Variants in GPC6 observed in about 807,000 individuals in gnomAD.
GPC6 encodes the protein glypican-6.
GPC6 carries 14 observed loss-of-function variants against 55.2 expected under a neutral mutation model. The observed-to-expected ratio is 0.25, with a 90% CI of 0.17 to 0.40. The LOEUF (loss-of-function observed/expected upper bound fraction) is 0.40. GPC6 is among the 10% of genes least tolerant of loss of function. GPC6 has a pLI of 1.00. For synonymous variants in GPC6, 278 were observed against 259.6 expected, an observed-to-expected ratio of 1.07 and a Z score of -0.68; for missense variants, 641 against 708.5, an observed-to-expected ratio of 0.90 and a Z score of 1.08.
chr13:93,572,774 C>G (rs1876469685), intron 2 of GPC6, among the ~76,000 whole-genome samples: 1 of 152,096 alleles, frequency 6.6e-6, no homozygotes, highest in African/African-American at 2.4e-5. Flanking sequence ...TAAGCCAGAA[C>G]TTTATATTTT....
intron 2 of GPC6, among the ~76,000 whole-genome samples, chr13:93,580,533 G>T (rs574865383): frequency 6.6e-6 from 1 of 152,180 alleles, no homozygotes; most frequent in East Asian, 1.9e-4. Context: ...TTTTATTCAT[G>T]TAACAGATAC....
intron 1 of GPC6, among the ~76,000 whole-genome samples, chr13:93,342,953 A>T (rs957232745): frequency 1.3e-5 from 2 of 152,212 alleles, no homozygotes; most frequent in African/African-American, 4.8e-5. Context: ...TGGGAATATT[A>T]AAAATGTCTT....
chr13:93,592,360 A>AAAATATAT (rs1555314426), intron 2 of GPC6, among the ~76,000 whole-genome samples: 3 of 144,884 alleles, frequency 2.1e-5, no homozygotes, highest in Non-Finnish European at 4.5e-5. Context: ...ATATATGTAA[A>AAAATATAT]ATATATATAT....
intron 4 of GPC6, among the ~76,000 whole-genome samples, chr13:94,043,231 G>A (rs1016333607): frequency 2.0e-5 from 3 of 151,692 alleles, no homozygotes; most frequent in African/African-American, 7.3e-5. Context: ...CCAAGGTCTG[G>A]GCACTAGACG....
chr13:93,632,238 A>G (rs754607469), intron 2 of GPC6, among the ~76,000 whole-genome samples: 13 of 152,300 alleles, frequency 8.5e-5, no homozygotes, highest in Non-Finnish European at 1.5e-4. Context: ...CAATGGGACC[A>G]CTTGATATCA....
chr13:93,310,335 T>C (rs968633007), intron 1 of GPC6, among the ~76,000 whole-genome samples: 6 of 152,212 alleles, frequency 3.9e-5, no homozygotes, highest in Non-Finnish European at 5.9e-5. Flanking sequence ...TCCTTCTTCC[T>C]GCTTCCTTCT....
chr13:93,944,904 T>G (rs1878928331), intron 3 of GPC6, among the ~76,000 whole-genome samples: 2 of 152,034 alleles, frequency 1.3e-5, no homozygotes, highest in African/African-American at 4.8e-5. Context: ...TTTCTTGGTG[T>G]GTGTGTTGGG....
chr13:93,885,333 T>C (rs1448266291), intron 3 of GPC6, among the ~76,000 whole-genome samples: 3 of 149,942 alleles, frequency 2.0e-5, no homozygotes, highest in Non-Finnish European at 3.0e-5. Context: ...TGCATTATTT[T>C]TGCTACCAGA....
chr13:93,701,748 C>G lies in GPC6; in HGVS notation c.320-128406C>G, dbSNP rs944911415. 4.2e-4 allele frequency among the ~76,000 whole-genome samples: 64 copies of G among 152,122 alleles called. 1 individual carries two copies. The highest frequency in any genetic ancestry group is 1.4e-3 in the African/African-American group (60 of 41,534). ...GTTCACAGCATCTTCTCCAGGACTA[C>G]ATTCCACCTCAAGAAACCACTCTTT... On this transcript the variant is annotated intron_variant, in intron 2 of 8. Coordinates refer to ENST00000377047, the MANE Select transcript of GPC6 (RefSeq NM_005708.5).
chr13:93,519,195 T>C (rs1251311031), intron 1 of GPC6, among the ~76,000 whole-genome samples: 1 of 152,110 alleles, frequency 6.6e-6, no homozygotes, highest in Non-Finnish European at 1.5e-5. Flanking sequence ...GTAACTTTTC[T>C]GTATTCTTCT....
chr13:93,769,448 AGAC>A lies in GPC6; in HGVS notation c.320-60705_320-60703del, dbSNP rs1303892757. ...CTGCACGTGACAAAAAAAAAAAAAA[AGAC>A]AGCCCCAAAAAGCAGCAGGGAGAAG... On this transcript the variant is annotated intron_variant, in intron 2 of 8. Coordinates refer to ENST00000377047, the MANE Select transcript of GPC6 (RefSeq NM_005708.5). Among the ~76,000 whole-genome samples, 49 of 150,936 alleles carry A rather than the reference AGAC, an allele frequency of 3.2e-4. 1 individual carries two copies. The highest frequency in any genetic ancestry group is 7.4e-5 in the Non-Finnish European group (5 of 67,612).
chr13:93,989,357 G>T (rs1881184756), intron 3 of GPC6, among the ~76,000 whole-genome samples: 1 of 152,120 alleles, frequency 6.6e-6, no homozygotes, highest in South Asian at 2.1e-4. Flanking sequence ...CTGATACAGG[G>T]TTTGTGTTGA....
chr13:93,844,040 A>G (rs1888067045), intron 3 of GPC6, among the ~76,000 whole-genome samples: 2 of 152,200 alleles, frequency 1.3e-5, no homozygotes, highest in Admixed American at 1.3e-4. Context: ...TGGTTAAAGA[A>G]CACATTCAGT....
At chr13:93,428,713 C>G (rs1159403157) in intron 1 of GPC6, among the ~76,000 whole-genome samples, 3 of 152,084 alleles carry the variant, frequency 2.0e-5, no homozygotes, top group African/African-American at 7.2e-5. Flanking sequence ...TTCTGAGATG[C>G]CCAAGGAATC....
chr13:93,630,278 T>C (rs1204611183), intron 2 of GPC6, among the ~76,000 whole-genome samples: 2 of 152,142 alleles, frequency 1.3e-5, no homozygotes, highest in African/African-American at 4.8e-5. Context: ...CAGCGTTATA[T>C]AGAGGGTGAG....
At chr13:94,107,055 AGGGCATGAAAG>A (rs1356603850) in intron 4 of GPC6, among the ~76,000 whole-genome samples, 1 of 152,158 alleles carries the variant, frequency 6.6e-6, no homozygotes, top group Non-Finnish European at 1.5e-5. Context: ...TATCAGATCA[AGGGCATGAAAG>A]GAGCAAAAAA....
intron 1 of GPC6, among the ~76,000 whole-genome samples, chr13:93,446,440 T>C (rs756269554): frequency 1.3e-4 from 20 of 152,172 alleles, no homozygotes; most frequent in Non-Finnish European, 2.8e-4. Context: ...TGATTCTAGA[T>C]AGGAGGGTAT....
At chr13:94,075,852 A>G (rs1174089066) in intron 4 of GPC6, among the ~76,000 whole-genome samples, 1 of 151,872 alleles carries the variant, frequency 6.6e-6, no homozygotes, top group African/African-American at 2.4e-5. Context: ...ACATCTCTTT[A>G]TCTATCCATC....
At chr13:93,222,206 C>A (rs1260007976), upstream of GPC6, among the ~76,000 whole-genome samples, 2 of 152,150 alleles carry the variant, frequency 1.3e-5, no homozygotes, top group African/African-American at 4.8e-5. Flanking sequence ...GTGACATATT[C>A]ATGTCAAAAC....
Sources: gnomAD v4.1 joint callset for allele counts (sites outside exome capture counted in the v4.1 genomes callset) on GRCh38, gnomAD v4.1.1 for gene constraint, MANE v1.5 for transcripts, NCBI Gene and HGNC (gene_info 2026-07-23, HGNC 2026-07-21) for gene names.